The following PMEPA1 variants were observed in gnomAD, a reference collection of about 807,000 sequenced individuals.
PMEPA1 encodes prostate transmembrane protein, androgen induced 1.
A neutral mutation model predicts 23.0 loss-of-function variants in PMEPA1; 11 were observed. The ratio of observed to expected loss-of-function variants is 0.48; its 90% CI spans 0.30 to 0.79. PMEPA1 has a LOEUF of 0.79. Among genes scored for constraint, PMEPA1 ranks in the 30% least tolerant of loss-of-function variants. The probability of loss-of-function intolerance (pLI) is 0.06; values close to 1 mark genes in which losing one functional copy is unlikely to be tolerated. For missense variants in PMEPA1, 377 were observed against 390.9 expected (o/e 0.96, Z 0.30); for synonymous variants, 204 against 166.4 (o/e 1.23, Z -1.74).
intron 1 of PMEPA1, among the ~76,000 whole-genome samples, chr20:57,697,651 T>C (rs908949486): frequency 1.3e-5 from 2 of 152,168 alleles, no homozygotes; most frequent in African/African-American, 4.8e-5. Flanking sequence ...GAGGATGCAG[T>C]GCAGCTATGC....
At chr20:57,703,262 G>C (rs1447060806) in intron 1 of PMEPA1, among the ~76,000 whole-genome samples, 1 of 152,214 alleles carries the variant, frequency 6.6e-6, no homozygotes, top group African/African-American at 2.4e-5. Context: ...TGGGGGTGGG[G>C]GACATCAGGG....
rs899548711 is a variant in PMEPA1, at chr20:57,655,223, T to C, written c.265-2137A>G. Among the ~76,000 whole-genome samples, 1 of 152,158 alleles carries C rather than the reference T, an allele frequency of 6.6e-6. No homozygotes were observed. The highest frequency in any genetic ancestry group is 2.4e-5 in the African/African-American group (1 of 41,442). On this transcript the variant is annotated intron_variant, in intron 2 of 3. Coordinates refer to ENST00000341744, the MANE Select transcript of PMEPA1 (RefSeq NM_020182.5). This position sits in a 1 kb window ranked among gnomAD's most constrained non-coding sequence, Gnocchi z 4.2. ...CCTGGGTCTGGACCAATGGCCCCTC[T>C]TTCCTCCCTTTCCTGAAGAACTTTG...
chr20:57,704,319 TC>T lies in PMEPA1; in HGVS notation c.109+5154del, dbSNP rs2072048369. ...CTGAGTTTGCTTCCCTGAACCATGC[TC>T]CCCCAGCCTCGGGGAGCCCCTGGCA... On this transcript the variant is annotated intron_variant, in intron 1 of 3. Coordinates refer to ENST00000341744, the MANE Select transcript of PMEPA1 (RefSeq NM_020182.5). The surrounding 1 kb of genome is among the most constrained non-coding windows in gnomAD (Gnocchi z 4.6). Among the ~76,000 whole-genome samples, 1 of 151,698 alleles carries T rather than the reference TC, an allele frequency of 6.6e-6. No individual in the cohort carries two copies. The highest frequency in any genetic ancestry group is 2.4e-5 in the African/African-American group (1 of 41,252).
rs550530224 is a variant in PMEPA1 at position 57,682,799 on chromosome 20, T to C, written c.110-23102A>G. Among the ~76,000 whole-genome samples, 6 of 152,368 alleles carry C rather than the reference T, an allele frequency of 3.9e-5. No individual in the cohort carries two copies. The highest frequency in any genetic ancestry group is 2.1e-4 in the South Asian group (1 of 4,822). On this transcript the variant is annotated intron_variant, in intron 1 of 3. Coordinates refer to ENST00000341744, the MANE Select transcript of PMEPA1 (RefSeq NM_020182.5). The surrounding 1 kb of genome is among the most constrained non-coding windows in gnomAD (Gnocchi z 4.4). Reference sequence around the variant, plus strand: ...GCTAGATGCTGCCTGGGAGCTGGGCTTTCTGCATGAGCAGGCCCCGCTGAA... The same window carrying C: ...GCTAGATGCTGCCTGGGAGCTGGGCCTTCTGCATGAGCAGGCCCCGCTGAA...
chr20:57,678,366 A>G (rs1305496521), intron 1 of PMEPA1, among the ~76,000 whole-genome samples: 1 of 152,264 alleles, frequency 6.6e-6, no homozygotes, highest in Non-Finnish European at 1.5e-5. Context: ...CTCAAAATAA[A>G]AAGTTTTCTG....
In PMEPA1 at chr20:57,709,893, C is replaced by T. The variant is rs1229736970; in HGVS notation, c.-311G>A. The T allele has an allele frequency of 9.9e-6, 10 of 1,006,932 alleles. No individual in the cohort carries two copies. Among genetic ancestry groups the T allele is most frequent in the African/African-American group, 1.7e-5 (1 of 57,362 alleles). 62.4% of individuals were successfully genotyped at this position (1,006,932 alleles called of 1,614,324 possible). On this transcript the variant is annotated 5_prime_UTR_variant, in exon 1 of 4. It removes the in-frame stop codon of an upstream open reading frame in the 5' UTR. Transcript: ENST00000341744. ...TGCCGCCGGGGCTGAGCCTCTGCCG[C>T]TAGCTTTCCCCAGCCGAGCGCCTCC...
intron 2 of PMEPA1, among the ~76,000 whole-genome samples, chr20:57,657,013 G>A (rs1393616811): frequency 6.6e-6 from 1 of 152,180 alleles, no homozygotes; most frequent in African/African-American, 2.4e-5. Flanking sequence ...CATCCCGGGC[G>A]GCTGTGCAGG....
Position 57,652,406 on chromosome 20 carries a change from C to A in PMEPA1, c.511G>T (p.Asp171Tyr). 1 of 1,613,732 alleles carries A rather than the reference C, an allele frequency of 6.2e-7. No homozygotes were observed. The highest frequency in any genetic ancestry group is 1.7e-5 in the Admixed American group (1 of 60,020). ...TTCAGTTCCAGCTGCTGCTCGGGGT[C>A]CCGAAGCTGGAGGGTGCAGGGGCCC... ...YQGPCTLQLR[D>Y]PEQQLELNRE... Residue 171 changes from aspartate to tyrosine, a missense_variant, in exon 4 of 4, where the codon GAC (aspartate) becomes TAC (tyrosine). Asp to Tyr is a radical substitution (Grantham distance 160, BLOSUM62 -3). This residue lies in a region of PMEPA1 where 176 missense variants were observed against 173.0 expected (regional missense o/e 1.02). Coordinates refer to ENST00000341744, the MANE Select transcript of PMEPA1 (RefSeq NM_020182.5). This position sits in a 1 kb window ranked among gnomAD's most constrained non-coding sequence, Gnocchi z 6.1.
intron 1 of PMEPA1, among the ~76,000 whole-genome samples, chr20:57,674,672 G>T (rs1251481823): frequency 1.3e-5 from 2 of 152,162 alleles, no homozygotes; most frequent in African/African-American, 4.8e-5. Flanking sequence ...TATTTTCCAT[G>T]AAAGACATTT....
At chr20:57,688,348 T>TGTGGGGTGGAGTGGG (rs113547402) in intron 1 of PMEPA1, among the ~76,000 whole-genome samples, 1 of 151,262 alleles carries the variant, frequency 6.6e-6, no homozygotes, top group East Asian at 1.9e-4. Context: ...GACACTTCTT[T>TGTGGGGTGGAGTGGG]GTGGGGTGGG....
chr20:57,664,760 G>GA (rs2071470111), intron 1 of PMEPA1, among the ~76,000 whole-genome samples: 1 of 152,224 alleles, frequency 6.6e-6, no homozygotes, highest in Non-Finnish European at 1.5e-5. Context: ...AGCCGGCTGT[G>GA]AAGCTGTGGT....
rs1260508390 is a variant in PMEPA1, at chr20:57,654,900, G to A, written c.265-1814C>T. On this transcript the variant is annotated intron_variant, in intron 2 of 3. Transcript: ENST00000341744. ...TCTCCTCCACTCTTGCCCTTCCCCAGGGCCCTTCCTCCTCACAGAAGTGGG... is the reference window on the plus strand; with the variant it reads ...TCTCCTCCACTCTTGCCCTTCCCCAAGGCCCTTCCTCCTCACAGAAGTGGG... Among the ~76,000 whole-genome samples the A allele has an allele frequency of 2.0e-5, 3 of 151,952 alleles. No homozygotes were observed. The East Asian group carries it at 5.8e-4, about 29-fold the overall frequency.
chr20:57,698,335 A>G (rs1198407884), intron 1 of PMEPA1, among the ~76,000 whole-genome samples: 2 of 152,208 alleles, frequency 1.3e-5, no homozygotes, highest in African/African-American at 4.8e-5. Flanking sequence ...TCATAAACAG[A>G]TTAGAAAACC....
intron 1 of PMEPA1, among the ~76,000 whole-genome samples, chr20:57,685,558 T>C (rs2071789883): frequency 6.6e-6 from 1 of 152,130 alleles, no homozygotes. Flanking sequence ...TAAATGAAAA[T>C]GCTAAGTTAT....
chr20:57,658,626 G>C (rs1467282849), intron 2 of PMEPA1, among the ~76,000 whole-genome samples: 1 of 152,150 alleles, frequency 6.6e-6, no homozygotes, highest in African/African-American at 2.4e-5. Context: ...GTGACTGTCA[G>C]CCCATTTTAC....
chr20:57,705,998 A>T (rs1488609262), intron 1 of PMEPA1, among the ~76,000 whole-genome samples: 1 of 152,260 alleles, frequency 6.6e-6, no homozygotes, highest in East Asian at 1.9e-4. Context: ...AGGCAAGCCC[A>T]GGGAAACCTG....
At chr20:57,662,105 T>C (rs943406333) in intron 1 of PMEPA1, among the ~76,000 whole-genome samples, 11 of 152,030 alleles carry the variant, frequency 7.2e-5, no homozygotes, top group Non-Finnish European at 1.5e-4. Flanking sequence ...TGAGCCAGTG[T>C]TTCTCAGCTG....
chr20:57,685,934 A>C (rs1403036710), intron 1 of PMEPA1, among the ~76,000 whole-genome samples: 1 of 152,154 alleles, frequency 6.6e-6, no homozygotes, highest in Non-Finnish European at 1.5e-5. Flanking sequence ...CTTCTCATAC[A>C]AAGGGTCACT....
chr20:57,710,074 G>A (rs867048242), upstream of PMEPA1: 69 of 982,044 alleles, frequency 7.0e-5, 2 homozygotes, highest in African/African-American at 9.7e-4. Context: ...GGGGGCGCGC[G>A]CTGCGCCAAT....
Sources: gnomAD v4.1 joint callset for allele counts (sites outside exome capture counted in the v4.1 genomes callset) on GRCh38, gnomAD v4.1.1 for gene constraint, gnomAD v4.1.1 regional missense constraint, Gnocchi (gnomAD v3.1) non-coding constraint, MANE v1.5 for transcripts, NCBI Gene and HGNC (gene_info 2026-07-23, HGNC 2026-07-21) for gene names.